AMOTL1: variants seen among roughly 807,000 people sequenced by gnomAD.
AMOTL1 encodes angiomotin-like protein 1.
In AMOTL1, 45 loss-of-function variants were observed where a neutral mutation model predicts 102.9. The observed-to-expected ratio is 0.44, with a 90% CI of 0.34 to 0.56. AMOTL1 has a LOEUF of 0.56. AMOTL1 is among the 20% of genes least tolerant of loss of function. AMOTL1 has a pLI of 0.01. For missense variants in AMOTL1, 1,114 were observed against 1,225.6 expected, an observed-to-expected ratio of 0.91 and a Z score of 1.36; for synonymous variants, 481 against 484.7, an observed-to-expected ratio of 0.99 and a Z score of 0.10.
At chr11:94,706,660 G>C (rs1949934388) in intron 1 of AMOTL1, 1 of 152,176 alleles carries the variant, frequency 6.6e-6, no homozygotes, top group Admixed American at 6.5e-5. Flanking sequence ...GGGGGATTTT[G>C]GAAGGCATCT....
At chr11:94,865,058 T>G (rs1952853761) in intron 10 of AMOTL1, among the ~76,000 whole-genome samples, 198 bp downstream of exon 10, 1 of 152,160 alleles carries the variant, frequency 6.6e-6, no homozygotes, top group Non-Finnish European at 1.5e-5. Flanking sequence ...ATGGATCTGG[T>G]GCCGGAGTTC....
intron 3 of AMOTL1, 116 bp downstream of exon 3, chr11:94,800,427 CATG>C: frequency 1.7e-6 from 2 of 1,191,478 alleles, no homozygotes; most frequent in Non-Finnish European, 2.3e-6. Context: ...TTTCCTTATG[CATG>C]ATATTTAATA....
chr11:94,862,959 T>C (rs1952802836), intron 9 of AMOTL1, among the ~76,000 whole-genome samples: 1 of 152,244 alleles, frequency 6.6e-6, no homozygotes, highest in South Asian at 2.1e-4. Context: ...TACTCATCTT[T>C]GCTGAGACCT....
intron 1 of AMOTL1, among the ~76,000 whole-genome samples, chr11:94,787,823 G>C (rs1326214214): frequency 6.7e-6 from 1 of 150,066 alleles, no homozygotes; most frequent in African/African-American, 2.4e-5. Flanking sequence ...AGCACAAAGT[G>C]ACGTTGGGTA....
At chr11:94,740,646 G>A (rs1384982239) in intron 2 of AMOTL1, among the ~76,000 whole-genome samples, 1 of 149,322 alleles carries the variant, frequency 6.7e-6, no homozygotes, top group African/African-American at 2.4e-5. Flanking sequence ...GCGGCCCAGC[G>A]CCCGGCCGGG....
chr11:94,802,556 A>G (rs1276512043), intron 3 of AMOTL1, among the ~76,000 whole-genome samples: 1 of 152,192 alleles, frequency 6.6e-6, no homozygotes, highest in Non-Finnish European at 1.5e-5. Flanking sequence ...TTTGGAGGTC[A>G]TTTTTCTCAA....
chr11:94,745,821 C>G (rs1367631954), intron 3 of AMOTL1, among the ~76,000 whole-genome samples: 1 of 152,022 alleles, frequency 6.6e-6, no homozygotes, highest in African/African-American at 2.4e-5. Context: ...TAGCTTTTAC[C>G]AGTTATCCCA....
chr11:94,715,184 T>C (rs1446944383), intron 1 of AMOTL1, among the ~76,000 whole-genome samples: 1 of 152,190 alleles, frequency 6.6e-6, no homozygotes, highest in Non-Finnish European at 1.5e-5. Context: ...TCTGTTTTTG[T>C]TTTGCTACTG....
At chr11:94,818,680 A>G (rs1265729109) in intron 3 of AMOTL1, among the ~76,000 whole-genome samples, 2 of 152,176 alleles carry the variant, frequency 1.3e-5, no homozygotes, top group Non-Finnish European at 2.9e-5. Flanking sequence ...ATGTTTTTCA[A>G]TGTTTATTAT....
chr11:94,719,309 C>T (rs956717505), intron 1 of AMOTL1, among the ~76,000 whole-genome samples: 2 of 151,884 alleles, frequency 1.3e-5, no homozygotes, highest in African/African-American at 4.8e-5. Flanking sequence ...TACTCAAACC[C>T]CGACACTGTT....
chr11:94,844,059 A>C (rs1309764010), intron 6 of AMOTL1, among the ~76,000 whole-genome samples: 1 of 152,098 alleles, frequency 6.6e-6, no homozygotes, highest in East Asian at 1.9e-4. Flanking sequence ...ATCTTCACTC[A>C]GAGAGTCCCA....
intron 1 of AMOTL1, among the ~76,000 whole-genome samples, chr11:94,793,673 C>T (rs891698081): frequency 2.6e-5 from 4 of 152,210 alleles, no homozygotes; most frequent in African/African-American, 9.7e-5. Context: ...GAGGATGATG[C>T]CCGGAAAGGG....
In AMOTL1 at chr11:94,850,238, G is replaced by T. The variant is rs777263089; in HGVS notation, c.1773G>T (p.Arg591Ser). 3 of 1,595,666 alleles carry T rather than the reference G, an allele frequency of 1.9e-6. No individual in the cohort carries two copies. The highest frequency in any genetic ancestry group is 1.3e-5 in the African/African-American group (1 of 74,758). Residue 591 changes from arginine to serine, a missense_variant, in exon 7 of 13, where the codon AGG becomes AGT. Physicochemically the swap from Arg to Ser is moderately radical, Grantham distance 110 (BLOSUM62 -1). Transcript: ENST00000433060. ...LDQALSNAQARVIKLEEELRE... is the reference protein window; with the variant it reads ...LDQALSNAQASVIKLEEELRE... ...AGGCTTTGAGCAACGCCCAGGCCAG[G>T]GTCATCAAGCTGGAAGAGGAGGTGA...
At chr11:94,868,957 CA>C (rs546762415) in intron 11 of AMOTL1, among the ~76,000 whole-genome samples, 1 of 143,520 alleles carries the variant, frequency 7.0e-6, no homozygotes, top group Non-Finnish European at 1.5e-5. Context: ...AAAAAAAAAA[CA>C]AAAAAAACAC....
Position 94,795,163 on chromosome 11 carries a change from A to G in AMOTL1, c.199+3A>G, listed in dbSNP as rs1565354574. On this transcript the variant is annotated splice_donor_region_variant and intron_variant, in intron 2 of 12. Coordinates refer to ENST00000433060, the MANE Select transcript of AMOTL1 (RefSeq NM_130847.3). ...CAGTAGCATCAGGGAAAAAGTTGGT[A>G]AGTCCTTTTACCGGCACTTGTGTTG... The G allele has an allele frequency of 6.2e-7, 1 of 1,613,448 alleles. No individual in the cohort carries two copies. Among genetic ancestry groups the G allele is most frequent in the Non-Finnish European group, 8.5e-7 (1 of 1,179,722 alleles).
rs1466506572 is a variant in AMOTL1, at chr11:94,874,709, A to C, written c.*3914A>C. 2 of 152,148 alleles carry C rather than the reference A, an allele frequency of 1.3e-5. No homozygotes were observed. The highest frequency in any genetic ancestry group is 4.8e-5 in the African/African-American group (2 of 41,412). The allele number at this position is 152,148 out of a possible 1,614,324, so 9.4% of individuals were successfully genotyped here. A position where few individuals can be genotyped will look rare whatever the true frequency, so the allele number is the denominator to read the frequency against. ...ATGCCAGGTGCTGAGAGAATGGGAA[A>C]TTCTTCCTCCCCATTGACCTGAGTC... On this transcript the variant is annotated 3_prime_UTR_variant, in exon 13 of 13. Coordinates refer to ENST00000433060, the MANE Select transcript of AMOTL1 (RefSeq NM_130847.3).
intron 3 of AMOTL1, among the ~76,000 whole-genome samples, chr11:94,808,594 C>T (rs1367241262): frequency 6.6e-6 from 1 of 152,062 alleles, no homozygotes; most frequent in Non-Finnish European, 1.5e-5. Context: ...AATCTGGGGA[C>T]CCCAGAGTGG....
intron 6 of AMOTL1, among the ~76,000 whole-genome samples, chr11:94,836,444 A>G (rs1952182893): frequency 6.6e-6 from 1 of 152,162 alleles, no homozygotes; most frequent in African/African-American, 2.4e-5. Context: ...TAAATGAGAG[A>G]ACTATAGACG....
intron 8 of AMOTL1, among the ~76,000 whole-genome samples, chr11:94,857,302 T>C (rs1952687448): frequency 6.6e-6 from 1 of 152,212 alleles, no homozygotes; most frequent in African/African-American, 2.4e-5. Context: ...TTCAGAATCA[T>C]TTGAAGTTTT....
Sources: gnomAD v4.1 joint callset for allele counts (sites outside exome capture counted in the v4.1 genomes callset) on GRCh38, gnomAD v4.1.1 for gene constraint, MANE v1.5 for transcripts, NCBI Gene and HGNC (gene_info 2026-07-23, HGNC 2026-07-21) for gene names.